The following SHPRH variants were observed in gnomAD, a reference collection of about 807,000 sequenced individuals.
SHPRH encodes E3 ubiquitin-protein ligase SHPRH.
A neutral mutation model predicts 202.5 loss-of-function variants in SHPRH; 106 were observed. That is an observed-to-expected ratio of 0.52 (90% CI 0.45 to 0.62). The LOEUF is 0.62. Ranked by LOEUF, SHPRH falls within the 20% of genes least tolerant of loss-of-function variation. SHPRH has a pLI of 0.00. For missense variants in SHPRH, 1,710 were observed against 2,020.0 expected, an observed-to-expected ratio of 0.85 and a Z score of 2.94; for synonymous variants, 729 against 686.0, an observed-to-expected ratio of 1.06 and a Z score of -0.98.
chr6:145,958,299 A>G (rs1788714758), intron 1 of SHPRH, among the ~76,000 whole-genome samples: 1 of 152,230 alleles, frequency 6.6e-6, no homozygotes, highest in Non-Finnish European at 1.5e-5. Context: ...TTATACATAA[A>G]TTATATCATA....
intron 23 of SHPRH, chr6:145,917,068 T>C (rs1485082518): frequency 6.6e-6 from 1 of 152,212 alleles, no homozygotes; most frequent in Non-Finnish European, 1.5e-5. Context: ...TGTGTTATCT[T>C]CTTAATGTTA....
chr6:145,955,286 C>T lies in SHPRH; in HGVS notation c.37G>A (p.Val13Ile), dbSNP rs778477513. The T allele has an allele frequency of 2.5e-6, 4 of 1,608,164 alleles. No individual in the cohort carries two copies. The Admixed American group carries it at 5.0e-5, about 20-fold the overall frequency. ...AGCTGCTGCCTCTTTTCCTCATCTA[C>T]CCTCACTGGAGGAGCACGTTTCCGT... ...SRRKRAPPVR[V>I]DEEKRQQLHW... Residue 13 changes from valine to isoleucine, a missense_variant, in exon 2 of 30, where the codon GTA (valine) becomes ATA (isoleucine). Val to Ile is a conservative substitution (Grantham distance 29). Around this residue, in one of 8 missense-constraint regions of SHPRH, gnomAD observed 459 missense variants for 426.5 expected, o/e 1.08. Coordinates refer to ENST00000275233, the MANE Select transcript of SHPRH (RefSeq NM_001042683.3).
intron 25 of SHPRH, among the ~76,000 whole-genome samples, chr6:145,896,850 T>C (rs1442348174): frequency 6.6e-6 from 1 of 151,666 alleles, no homozygotes; most frequent in East Asian, 1.9e-4. Flanking sequence ...TTGAGACAAA[T>C]GAAAATGGAA....
At chr6:145,954,528 T>C (rs943688701) in intron 2 of SHPRH, among the ~76,000 whole-genome samples, 162 bp downstream of exon 2, 9 of 152,154 alleles carry the variant, frequency 5.9e-5, no homozygotes, top group Non-Finnish European at 5.9e-5. Flanking sequence ...AAATGATTAG[T>C]TGTAACATAC....
chr6:145,931,833 T>C (rs1185818512), intron 14 of SHPRH, among the ~76,000 whole-genome samples: 1 of 152,036 alleles, frequency 6.6e-6, no homozygotes, highest in African/African-American at 2.4e-5. Context: ...ACACAGACTT[T>C]GTATCATTGC....
intron 14 of SHPRH, among the ~76,000 whole-genome samples, chr6:145,932,186 T>C (rs879377525): frequency 2.6e-5 from 4 of 152,154 alleles, no homozygotes; most frequent in Non-Finnish European, 4.4e-5. Context: ...CTTGAATCTA[T>C]GGAATACAGT....
chr6:145,914,485 A>G (rs893609446), intron 23 of SHPRH, among the ~76,000 whole-genome samples: 1 of 152,176 alleles, frequency 6.6e-6, no homozygotes, highest in African/African-American at 2.4e-5. Context: ...TAACAACTCA[A>G]TTCCACTAAT....
intron 2 of SHPRH, among the ~76,000 whole-genome samples, chr6:145,867,621 TATATATATATAG>T (rs1343350075): frequency 7.1e-5 from 5 of 70,012 alleles, no homozygotes; most frequent in African/African-American, 2.1e-4. Context: ...TATATATATA[TATATATATATAG>T]AGAGAGAGAG....
chr6:145,922,880 A>G (rs552695726), intron 18 of SHPRH, 44 bp from the exon 19 acceptor site: 2 of 1,491,122 alleles, frequency 1.3e-6, no homozygotes, highest in African/African-American at 1.4e-5. Context: ...AGAAAAGAAT[A>G]ATAGGTCAAT....
At chr6:145,883,445 T>C (rs978273731), downstream of SHPRH, 3 of 152,240 alleles carry the variant, frequency 2.0e-5, no homozygotes, top group Admixed American at 6.5e-5. Flanking sequence ...TGTGATACTA[T>C]CTGTTTTGTA....
At chr6:145,917,167 A>C (rs1183823605) in intron 23 of SHPRH, 1 of 152,156 alleles carries the variant, frequency 6.6e-6, no homozygotes, top group African/African-American at 2.4e-5. Context: ...TGATCTTAAT[A>C]ATATTAATAG....
intron 11 of SHPRH, chr6:145,935,683 T>C: frequency 2.5e-6 from 1 of 395,516 alleles, no homozygotes; most frequent in Non-Finnish European, 4.5e-6. Flanking sequence ...ATTCATTACA[T>C]ACAGCTTATA....
In SHPRH at chr6:145,923,785, T is replaced by A. The variant is rs1222601112; in HGVS notation, c.3403A>T (p.Ile1135Phe). The A allele has an allele frequency of 1.9e-6, 3 of 1,608,404 alleles. No individual in the cohort carries two copies. Among genetic ancestry groups the A allele is most frequent in the Admixed American group, 3.4e-5 (2 of 59,312 alleles). ...AGCCACCAAGGAGAATTAGAATGAA[T>A]CTGTAAAAAAGGTAGCAGTTAATCA... is the stretch of plus-strand genomic sequence containing the variant. Reference protein sequence around the residue: ...QQTIHELQRKIHSNSPWWLNV... With the variant: ...QQTIHELQRKFHSNSPWWLNV... Residue 1135 changes from isoleucine (I) to phenylalanine (F), a missense_variant and splice_region_variant, in exon 18 of 30, where the codon ATT becomes TTT. Physicochemically the swap from Ile to Phe is conservative, Grantham distance 21 (BLOSUM62 0). This residue lies in a region of SHPRH where 288 missense variants were observed against 317.8 expected (regional missense o/e 0.91). Coordinates refer to ENST00000275233, the MANE Select transcript of SHPRH (RefSeq NM_001042683.3).
chr6:145,932,970 C>CT (rs1785632609), intron 14 of SHPRH, 87 bp downstream of exon 14: 2 of 1,439,764 alleles, frequency 1.4e-6, no homozygotes, highest in Admixed American at 4.3e-5. Flanking sequence ...AAAATCCCCC[C>CT]CCCAAAAATC....
At chr6:145,917,923 C>G in intron 23 of SHPRH, 1 of 385,854 alleles carries the variant, frequency 2.6e-6, no homozygotes, top group Non-Finnish European at 4.6e-6. Flanking sequence ...CGAGTGCATG[C>G]CTTCTATATC....
At position 145,954,813 on chromosome 6, in the gene SHPRH, A is replaced by C; in HGVS notation, c.510T>G (p.Ile170Met). 6.2e-7 allele frequency: 1 copy of C among 1,613,876 alleles called. No homozygotes were observed. Among genetic ancestry groups the C allele is most frequent in the East Asian group, 2.2e-5 (1 of 44,842 alleles). Reference sequence around the variant, plus strand: ...ACTCCACCAGAATACCCTTGTCACAAATACTCATCGGTTCTTTTTTTTGTT... The same window carrying C: ...ACTCCACCAGAATACCCTTGTCACACATACTCATCGGTTCTTTTTTTTGTT... ...VEKQKKEPMS[I>M]CDKGILVESS... The change falls in exon 2 of 30, where the codon ATT becomes ATG. Residue 170 changes from isoleucine to methionine, a missense_variant. Ile to Met is a conservative substitution (Grantham distance 10, BLOSUM62 1). Transcript: ENST00000275233.
intron 2 of SHPRH, among the ~76,000 whole-genome samples, chr6:145,864,799 A>G (rs1779697972): frequency 6.6e-6 from 1 of 152,110 alleles, no homozygotes; most frequent in South Asian, 2.1e-4. Flanking sequence ...CACTGAAATA[A>G]TTATTTGTTC....
chr6:145,896,193 A>G (rs981145868), intron 25 of SHPRH, among the ~76,000 whole-genome samples: 2 of 152,094 alleles, frequency 1.3e-5, no homozygotes, highest in Non-Finnish European at 2.9e-5. Flanking sequence ...ATGATTCTAC[A>G]CTTATTTTCT....
At chr6:145,934,810 G>A (rs1785892966) in intron 13 of SHPRH, 97 bp downstream of exon 13, 1 of 1,205,930 alleles carries the variant, frequency 8.3e-7, no homozygotes, top group African/African-American at 1.5e-5. Flanking sequence ...AAAGATAACT[G>A]ACAACTCAGT....
Sources: gnomAD v4.1 joint callset for allele counts (sites outside exome capture counted in the v4.1 genomes callset) on GRCh38, gnomAD v4.1.1 for gene constraint, gnomAD v4.1.1 regional missense constraint, MANE v1.5 for transcripts, NCBI Gene and HGNC (gene_info 2026-07-23, HGNC 2026-07-21) for gene names.